RAPH1: variants seen among roughly 807,000 people sequenced by gnomAD.
RAPH1 encodes the protein Ras association (RalGDS/AF-6) and pleckstrin homology domains 1.
Under a neutral mutation model 88.1 loss-of-function variants are expected in RAPH1, and 18 were observed. That is an observed-to-expected ratio of 0.20 (90% CI 0.14 to 0.30). The LOEUF (loss-of-function observed/expected upper bound fraction) is 0.30. RAPH1 is among the 10% of genes least tolerant of loss of function. The probability of loss-of-function intolerance (pLI) is 1.00; values close to 1 mark genes in which losing one functional copy is unlikely to be tolerated. For missense variants in RAPH1, 1,448 were observed against 1,543.2 expected (o/e 0.94, Z 1.03); for synonymous variants, 587 against 559.0 (o/e 1.05, Z -0.71).
chr2:203,450,548 CTCAT>C (rs1464685648), intron 10 of RAPH1, among the ~76,000 whole-genome samples: 2 of 152,166 alleles, frequency 1.3e-5, no homozygotes, highest in Non-Finnish European at 2.9e-5. Context: ...GGGATTTTAC[CTCAT>C]TCATTCATTC....
At chr2:203,501,815 G>GAAAAAAA (rs56269110) in intron 1 of RAPH1, among the ~76,000 whole-genome samples, 1 of 106,692 alleles carries the variant, frequency 9.4e-6, no homozygotes, top group African/African-American at 3.6e-5. Flanking sequence ...TAAGCATTAT[G>GAAAAAAA]AAAAAAAAAA....
At chr2:203,527,693 G>A (rs1405688793) in intron 1 of RAPH1, among the ~76,000 whole-genome samples, 1 of 151,372 alleles carries the variant, frequency 6.6e-6, no homozygotes, top group Non-Finnish European at 1.5e-5. Context: ...CCAGCTGCTC[G>A]GGAGACTGAG....
intron 1 of RAPH1, among the ~76,000 whole-genome samples, chr2:203,510,335 CAAA>C (rs33911103): frequency 2.6e-5 from 1 of 38,096 alleles, no homozygotes; most frequent in Non-Finnish European, 4.4e-5. Flanking sequence ...AACTCCATCT[CAAA>C]AAAAAAAAAA....
intron 7 of RAPH1, among the ~76,000 whole-genome samples, chr2:203,458,831 C>T (rs1297389786): frequency 2.6e-5 from 4 of 151,754 alleles, no homozygotes; most frequent in East Asian, 1.9e-4. Flanking sequence ...GGCACAATCT[C>T]GGCTCAGTGC....
Position 203,448,057 on chromosome 2 carries a change from T to C in RAPH1, c.1535A>G (p.Asn512Ser), listed in dbSNP as rs2098511560. The change falls in exon 12 of 14, where the codon AAC (asparagine) becomes AGC (serine). Residue 512 changes from asparagine (N) to serine (S), a missense_variant. Asn to Ser is a conservative substitution (Grantham distance 46). This residue lies in a region of RAPH1 where 513 missense variants were observed against 653.1 expected (regional missense o/e 0.79). Coordinates refer to ENST00000319170, the MANE Select transcript of RAPH1 (RefSeq NM_213589.3). This position sits in a 1 kb window ranked among gnomAD's most constrained non-coding sequence, Gnocchi z 4.1. ...TGTCCTCTTCAAGGCTTCTTGGTAGTTCATATAGAGCTGCTTCCCATACTA... is the reference window on the plus strand; with the variant it reads ...TGTCCTCTTCAAGGCTTCTTGGTAGCTCATATAGAGCTGCTTCCCATACTA... ...IAKYGKQLYMNYQEALKRTES... is the reference protein window; with the variant it reads ...IAKYGKQLYMSYQEALKRTES... 1 of 1,613,856 alleles carries C rather than the reference T, an allele frequency of 6.2e-7. No individual in the cohort carries two copies. Among genetic ancestry groups the C allele is most frequent in the African/African-American group, 1.3e-5 (1 of 75,034 alleles).
rs759782606 is a variant in RAPH1, at chr2:203,495,444, C to T, written c.1-91G>A. On this transcript the variant is annotated intron_variant, in intron 1 of 13. Coordinates refer to ENST00000319170, the MANE Select transcript of RAPH1 (RefSeq NM_213589.3). ...TATATGCTCTGATATATATTATATG[C>T]CTCTGAAGTCAAATCTTCAAAACTA... 4 of 1,231,368 alleles carry T rather than the reference C, an allele frequency of 3.2e-6. No individual in the cohort carries two copies. In the Admixed American group the frequency reaches 6.8e-5, roughly 21 times the overall value. 76.3% of individuals were successfully genotyped at this position (1,231,368 alleles called of 1,614,324 possible). A position where few individuals can be genotyped will look rare whatever the true frequency, so the allele number is the denominator to read the frequency against.
intron 1 of RAPH1, among the ~76,000 whole-genome samples, chr2:203,532,134 G>T (rs374827986): frequency 1.3e-5 from 2 of 152,324 alleles, no homozygotes; most frequent in African/African-American, 4.8e-5. Flanking sequence ...TCAATATTGT[G>T]TGAGTCAAAA....
intron 1 of RAPH1, among the ~76,000 whole-genome samples, chr2:203,532,256 C>G (rs1347019898): frequency 6.6e-6 from 1 of 152,164 alleles, no homozygotes; most frequent in African/African-American, 2.4e-5. Context: ...TCATAGCGCA[C>G]TGTGGCTTGT....
At position 203,485,277 on chromosome 2, in the gene RAPH1, G is replaced by A. The variant is rs139562980; in HGVS notation, c.732+4307C>T. The stretch of plus-strand genomic sequence containing the variant: ...AATACAAAAATTAGCCAGGCGTGGT[G>A]GCATGTGCTTGTAATCCCTGCTACT... On this transcript the variant is annotated intron_variant, in intron 4 of 13. Coordinates refer to ENST00000319170, the MANE Select transcript of RAPH1 (RefSeq NM_213589.3). Among the ~76,000 whole-genome samples, 70 of 152,146 alleles carry A rather than the reference G, an allele frequency of 4.6e-4. 1 individual carries two copies. The East Asian group carries it at 0.013, about 28-fold the overall frequency.
chr2:203,487,181 C>T (rs552396082), intron 4 of RAPH1, among the ~76,000 whole-genome samples: 28 of 152,294 alleles, frequency 1.8e-4, no homozygotes, highest in African/African-American at 6.3e-4. Flanking sequence ...TTGTCCCTCA[C>T]GCATCTTAAT....
At chr2:203,505,645 G>A (rs571251177) in intron 1 of RAPH1, among the ~76,000 whole-genome samples, 230 of 152,194 alleles carry the variant, frequency 1.5e-3, no homozygotes, top group African/African-American at 5.4e-3. Context: ...ATGCCATAAA[G>A]CATTATCTGA....
intron 1 of RAPH1, among the ~76,000 whole-genome samples, chr2:203,501,236 GGGAAA>G (rs1294237287): frequency 1.3e-5 from 2 of 152,298 alleles, no homozygotes; most frequent in East Asian, 3.9e-4. Flanking sequence ...GAGCAGAGAA[GGGAAA>G]GGAAAGGAAA....
chr2:203,467,572 C>T (rs1003738230), intron 4 of RAPH1, among the ~76,000 whole-genome samples: 1 of 151,912 alleles, frequency 6.6e-6, no homozygotes, highest in Non-Finnish European at 1.5e-5. Context: ...GCACTCCAGC[C>T]TGGGTGACAC....
intron 7 of RAPH1, among the ~76,000 whole-genome samples, chr2:203,459,242 C>G (rs2098522432): frequency 6.6e-6 from 1 of 152,122 alleles, no homozygotes; most frequent in Non-Finnish European, 1.5e-5. Context: ...ACTAAAACAT[C>G]CAGAAAAGAT....
intron 1 of RAPH1, among the ~76,000 whole-genome samples, chr2:203,526,503 T>C (rs926529913): frequency 6.6e-6 from 1 of 152,028 alleles, no homozygotes; most frequent in Non-Finnish European, 1.5e-5. Flanking sequence ...GGCAGGCAGA[T>C]CACCTGAGGT....
Position 203,518,546 on chromosome 2 carries a change from A to AC in RAPH1, c.-1+16564_-1+16565insG, listed in dbSNP as rs1689720137. ...ACAAAAAAAACAAAAAAACAAAAAAAAAACAAAAAACTACTATAGGCCAGG... is the reference window on the plus strand; with the variant it reads ...ACAAAAAAAACAAAAAAACAAAAAAACAAACAAAAAACTACTATAGGCCAGG... On this transcript the variant is annotated intron_variant, in intron 1 of 13. Coordinates refer to ENST00000319170, the MANE Select transcript of RAPH1 (RefSeq NM_213589.3). Among the ~76,000 whole-genome samples, 9 of 151,012 alleles carry AC rather than the reference A, an allele frequency of 6.0e-5. No individual in the cohort carries two copies. The South Asian group carries it at 1.9e-3, about 32-fold the overall frequency.
At chr2:203,458,567 G>C (rs1489421412) in intron 7 of RAPH1, among the ~76,000 whole-genome samples, 1 of 152,064 alleles carries the variant, frequency 6.6e-6, no homozygotes, top group Non-Finnish European at 1.5e-5. Flanking sequence ...ATAATCTCTA[G>C]ATTACTTACA....
rs2098512277 is a variant in RAPH1 at position 203,448,848 on chromosome 2, A to G, written c.1414-12T>C. The stretch of plus-strand genomic sequence containing the variant: ...TGGATTTGTGGATGCTGCAAGATTA[A>G]AGACAAAATCCAACTAAGTCCCTTG... On this transcript the variant is annotated splice_polypyrimidine_tract_variant and intron_variant, in intron 10 of 13. Transcript: ENST00000319170. The surrounding 1 kb of genome is among the most constrained non-coding windows in gnomAD (Gnocchi z 4.1). 6.3e-7 allele frequency: 1 copy of G among 1,577,946 alleles called. No homozygotes were observed. The highest frequency in any genetic ancestry group is 2.3e-5 in the East Asian group (1 of 44,390).
rs780758537 is a variant in RAPH1, at chr2:203,440,006, C to T, written c.3184G>A (p.Val1062Met). The stretch of plus-strand genomic sequence containing the variant: ...TCGGATGGAGGAGAAGGAAATTCCA[C>T]CACGGAGTCCTTTCCACGCCCACTC... ...VLSGRGKDSV[V>M]EFPSPPSDSD... Residue 1062 changes from valine to methionine, a missense_variant, in exon 14 of 14, where the codon GTG becomes ATG. By Grantham distance (21) the Val-to-Met change is conservative (BLOSUM62 1). Around this residue, in one of 2 missense-constraint regions of RAPH1, gnomAD observed 935 missense variants for 890.1 expected, o/e 1.05. Coordinates refer to ENST00000319170, the MANE Select transcript of RAPH1 (RefSeq NM_213589.3). 3 of 1,613,660 alleles carry T rather than the reference C, an allele frequency of 1.9e-6. No individual in the cohort carries two copies. The highest frequency in any genetic ancestry group is 1.7e-5 in the Admixed American group (1 of 59,996).
Sources: gnomAD v4.1 joint callset for allele counts (sites outside exome capture counted in the v4.1 genomes callset) on GRCh38, gnomAD v4.1.1 for gene constraint, gnomAD v4.1.1 regional missense constraint, Gnocchi (gnomAD v3.1) non-coding constraint, MANE v1.5 for transcripts, NCBI Gene and HGNC (gene_info 2026-07-23, HGNC 2026-07-21) for gene names.